The following NME7 variants were observed in gnomAD, a reference collection of about 807,000 sequenced individuals.
The protein encoded by NME7 is nucleoside diphosphate kinase 7.
Under a neutral mutation model 49.1 loss-of-function variants are expected in NME7, and 41 were observed. That is an observed-to-expected ratio of 0.83 (90% CI 0.65 to 1.08). The LOEUF is 1.08. Ranked by LOEUF, NME7 falls within the 50% of genes least tolerant of loss-of-function variation. NME7 has a pLI of 0.00. For missense variants in NME7, 423 were observed against 463.4 expected, an observed-to-expected ratio of 0.91 and a Z score of 0.80; for synonymous variants, 139 against 150.6, an observed-to-expected ratio of 0.92 and a Z score of 0.56.
At chr1:169,298,825 C>T (rs372996352) in intron 5 of NME7, 62 bp from the exon 6 acceptor site, 307 of 1,282,272 alleles carry the variant, frequency 2.4e-4, no homozygotes, top group Admixed American at 6.1e-4. Flanking sequence ...TTTGTCTTAA[C>T]GACAGGATAT....
Position 169,283,354 on chromosome 1 carries a change from G to A in NME7, c.754+3949C>T, listed in dbSNP as rs141288691. Among the ~76,000 whole-genome samples, 1,480 of 152,196 alleles carry A rather than the reference G, an allele frequency of 9.7e-3. 12 individuals carry two copies. The highest frequency in any genetic ancestry group is 0.034 in the African/African-American group (1,414 of 41,532). On this transcript the variant is annotated intron_variant, in intron 7 of 11. Transcript: ENST00000367811. ...CTATATGTGTCTTTGCAAGTGAGAT[G>A]GGTCTCCTGAATACAGCACACTGAT...
At chr1:169,339,216 T>C (rs1652594409) in intron 1 of NME7, among the ~76,000 whole-genome samples, 1 of 152,196 alleles carries the variant, frequency 6.6e-6, no homozygotes, top group African/African-American at 2.4e-5. Context: ...TTACTTATAT[T>C]TCCAGAAAGA....
At chr1:169,173,730 T>C (rs1461853939) in intron 10 of NME7, among the ~76,000 whole-genome samples, 1 of 152,190 alleles carries the variant, frequency 6.6e-6, no homozygotes, top group Non-Finnish European at 1.5e-5. Context: ...TCCCTAATTT[T>C]TTCTAACAGA....
At chr1:169,329,249 C>T (rs1188816805) in intron 1 of NME7, among the ~76,000 whole-genome samples, 3 of 151,958 alleles carry the variant, frequency 2.0e-5, no homozygotes, top group Non-Finnish European at 2.9e-5. Context: ...ATTTCTCACT[C>T]TACCGCTCCA....
chr1:169,296,728 A>G (rs1306098618), intron 6 of NME7, among the ~76,000 whole-genome samples: 2 of 147,692 alleles, frequency 1.4e-5, no homozygotes, highest in African/African-American at 4.9e-5. Flanking sequence ...CAGTTTACGT[A>G]AATTCTATCC....
At chr1:169,215,306 G>A (rs1179456836) in intron 10 of NME7, among the ~76,000 whole-genome samples, 1 of 152,150 alleles carries the variant, frequency 6.6e-6, no homozygotes, top group Non-Finnish European at 1.5e-5. Context: ...ATAGGCACAG[G>A]ATGGGGGGCA....
chr1:169,344,355 C>G (rs1432088941), intron 1 of NME7, among the ~76,000 whole-genome samples: 1 of 152,160 alleles, frequency 6.6e-6, no homozygotes, highest in Non-Finnish European at 1.5e-5. Flanking sequence ...TTTATCCTCT[C>G]CGGTCTAGAT....
intron 10 of NME7, among the ~76,000 whole-genome samples, chr1:169,210,105 C>T (rs1318605910): frequency 6.6e-6 from 1 of 152,092 alleles, no homozygotes; most frequent in Admixed American, 6.6e-5. Flanking sequence ...ACCCAACACC[C>T]ACAGTGTATT....
At chr1:169,351,709 C>T (rs1360696797) in intron 1 of NME7, among the ~76,000 whole-genome samples, 1 of 151,300 alleles carries the variant, frequency 6.6e-6, no homozygotes, top group Admixed American at 6.6e-5. Flanking sequence ...ACAGAAGGCC[C>T]AAACAAATAA....
chr1:169,316,677 CCTG>C (rs1280993638), intron 3 of NME7, among the ~76,000 whole-genome samples: 10 of 152,102 alleles, frequency 6.6e-5, no homozygotes, highest in Non-Finnish European at 1.5e-4. Context: ...AGGACTCAAG[CCTG>C]CTATTGGTGG....
At chr1:169,293,649 T>C in intron 6 of NME7, among the ~76,000 whole-genome samples, 1 of 152,218 alleles carries the variant, frequency 6.6e-6, no homozygotes, top group Middle Eastern at 3.4e-3. Context: ...CACATCTTTT[T>C]CTCCCTCTTC....
intron 1 of NME7, among the ~76,000 whole-genome samples, chr1:169,355,540 C>G (rs1220512919): frequency 2.7e-5 from 4 of 150,556 alleles, no homozygotes; most frequent in African/African-American, 9.8e-5. Context: ...CTCACCTTCT[C>G]TGCTCCAGTT....
intron 1 of NME7, among the ~76,000 whole-genome samples, chr1:169,344,312 T>C (rs1652881528): frequency 1.3e-5 from 2 of 152,210 alleles, no homozygotes; most frequent in African/African-American, 4.8e-5. Context: ...ATTTTCTATA[T>C]ACAGGGTCAC....
intron 10 of NME7, among the ~76,000 whole-genome samples, chr1:169,224,321 C>A (rs1180402385): frequency 6.6e-6 from 1 of 152,146 alleles, no homozygotes; most frequent in Non-Finnish European, 1.5e-5. Flanking sequence ...AGATCGGGCA[C>A]CCTATGCCAG....
rs1169880638 is a variant in NME7, at chr1:169,278,589, G to A, written c.754+8714C>T. Among the ~76,000 whole-genome samples, 5 of 152,130 alleles carry A rather than the reference G, an allele frequency of 3.3e-5. No homozygotes were observed. In the South Asian group the frequency reaches 8.3e-4, roughly 25 times the overall value. The stretch of plus-strand genomic sequence containing the variant: ...TGGTTATTCTAGTTATACATTCGTC[G>A]AAATTTTTTTCAAAGTTTTCACCTT... On this transcript the variant is annotated intron_variant, in intron 7 of 11. Coordinates refer to ENST00000367811, the MANE Select transcript of NME7 (RefSeq NM_013330.5).
intron 7 of NME7, among the ~76,000 whole-genome samples, chr1:169,279,642 A>T (rs1049094193): frequency 3.3e-5 from 5 of 152,160 alleles, no homozygotes; most frequent in African/African-American, 1.2e-4. Context: ...GCACTTCCCG[A>T]GTGAGGCAAT....
At chr1:169,140,673 T>A (rs2101808801) in intron 11 of NME7, among the ~76,000 whole-genome samples, 1 of 151,698 alleles carries the variant, frequency 6.6e-6, no homozygotes, top group South Asian at 2.1e-4. Context: ...TCTTAGAAAT[T>A]CATTTTGTGG....
At chr1:169,175,839 C>T (rs1237037190) in intron 10 of NME7, among the ~76,000 whole-genome samples, 1 of 152,092 alleles carries the variant, frequency 6.6e-6, no homozygotes, top group African/African-American at 2.4e-5. Context: ...CCTAGTAACC[C>T]TAAAACAGCT....
intron 10 of NME7, among the ~76,000 whole-genome samples, chr1:169,226,216 A>G (rs894362113): frequency 1.3e-5 from 2 of 152,230 alleles, no homozygotes; most frequent in African/African-American, 2.4e-5. Flanking sequence ...TAATACATGA[A>G]TAGACTGGCA....
Sources: allele counts gnomAD v4.1 joint callset (sites outside exome capture counted in the v4.1 genomes callset), GRCh38; gene constraint gnomAD v4.1.1; transcripts MANE v1.5; gene names NCBI Gene and HGNC (gene_info 2026-07-23, HGNC 2026-07-21).